COBLL1: variants seen among roughly 807,000 people sequenced by gnomAD.
COBLL1 encodes the protein cordon-bleu WH2 repeat protein like 1, also known as cordon-bleu protein-like 1.
COBLL1 carries 50 observed loss-of-function variants against 94.8 expected under a neutral mutation model. The ratio of observed to expected loss-of-function variants is 0.53; its 90% CI spans 0.42 to 0.67. COBLL1 has a LOEUF of 0.67. COBLL1 is among the 30% of genes least tolerant of loss of function. The pLI, the probability that COBLL1 is intolerant of heterozygous loss-of-function variation, is 0.00. For synonymous variants in COBLL1, 448 were observed against 473.8 expected (o/e 0.95, Z 0.71); for missense variants, 1,362 against 1,348.7 (o/e 1.01, Z -0.15).
intron 2 of COBLL1, among the ~76,000 whole-genome samples, chr2:164,791,818 C>T (rs1328439539): frequency 6.6e-6 from 1 of 151,838 alleles, no homozygotes; most frequent in Non-Finnish European, 1.5e-5. Context: ...AGGTGAGGTT[C>T]TGCTGCTCCA....
chr2:164,837,739 T>G (rs535350495), intron 2 of COBLL1, among the ~76,000 whole-genome samples: 1 of 152,182 alleles, frequency 6.6e-6, no homozygotes, highest in Non-Finnish European at 1.5e-5. Flanking sequence ...TAAAGTTGCA[T>G]GCAATCTTTT....
At chr2:164,776,667 C>T (rs1053691808) in intron 2 of COBLL1, among the ~76,000 whole-genome samples, 1 of 151,990 alleles carries the variant, frequency 6.6e-6, no homozygotes, top group African/African-American at 2.4e-5. Context: ...CCTTCTCAGT[C>T]TTCTCCTGAT....
chr2:164,834,912 G>A (rs1683247471), intron 2 of COBLL1, among the ~76,000 whole-genome samples: 1 of 152,038 alleles, frequency 6.6e-6, no homozygotes, highest in African/African-American at 2.4e-5. Context: ...TACACATTAG[G>A]GAAACAGGAA....
In COBLL1 at chr2:164,695,334, C is replaced by A; in HGVS notation, c.2058G>T (p.Leu686Phe). ...PICAHGNDDLLPPVDRIDKNS... is the reference protein window; with the variant it reads ...PICAHGNDDLFPPVDRIDKNS... ...TTTTGTCAATCCTATCTACAGGAGGCAAAAGATCATCATTACCATGTGCAC... is the reference window on the plus strand; with the variant it reads ...TTTTGTCAATCCTATCTACAGGAGGAAAAAGATCATCATTACCATGTGCAC... Residue 686 changes from leucine (L) to phenylalanine (F), a missense_variant, in exon 12 of 14, where the codon TTG becomes TTT. Coordinates refer to ENST00000652658, the MANE Select transcript of COBLL1 (RefSeq NM_001365672.2). 2 of 1,613,876 alleles carry A rather than the reference C, an allele frequency of 1.2e-6. No individual in the cohort carries two copies. Among genetic ancestry groups the A allele is most frequent in the Non-Finnish European group, 1.7e-6 (2 of 1,179,920 alleles).
intron 7 of COBLL1, among the ~76,000 whole-genome samples, chr2:164,711,743 TTA>T (rs1008369292): frequency 6.6e-6 from 1 of 152,198 alleles, no homozygotes; most frequent in Non-Finnish European, 1.5e-5. Flanking sequence ...TTTGTTCAAA[TTA>T]TGACTACATT....
chr2:164,779,972 T>C (rs1300643744), intron 2 of COBLL1, among the ~76,000 whole-genome samples: 2 of 152,176 alleles, frequency 1.3e-5, no homozygotes, highest in African/African-American at 4.8e-5. Flanking sequence ...AATTTTAAAA[T>C]ATTTTAAAAA....
chr2:164,741,879 T>C (rs1168514041), intron 3 of COBLL1, among the ~76,000 whole-genome samples: 1 of 152,116 alleles, frequency 6.6e-6, no homozygotes, highest in African/African-American at 2.4e-5. Context: ...AGAACAGTCA[T>C]AAATTAGACT....
At chr2:164,767,232 T>G (rs1398185893) in intron 2 of COBLL1, among the ~76,000 whole-genome samples, 1 of 152,208 alleles carries the variant, frequency 6.6e-6, no homozygotes, top group Non-Finnish European at 1.5e-5. Flanking sequence ...TTTTAATTTT[T>G]TTCTCACATA....
chr2:164,697,189 A>C (rs1056754426), intron 11 of COBLL1: 9 of 152,180 alleles, frequency 5.9e-5, no homozygotes, highest in Admixed American at 2.6e-4. Flanking sequence ...GTGGCAGTTA[A>C]TATTCTATAT....
chr2:164,817,838 G>T (rs528403499), intron 2 of COBLL1, among the ~76,000 whole-genome samples: 3 of 151,982 alleles, frequency 2.0e-5, no homozygotes, highest in Non-Finnish European at 4.4e-5. Context: ...TCATATCACT[G>T]GGCTATTTCT....
chr2:164,688,314 G>A (rs1284716803), intron 13 of COBLL1, among the ~76,000 whole-genome samples: 2 of 152,084 alleles, frequency 1.3e-5, no homozygotes, highest in Non-Finnish European at 2.9e-5. Context: ...CATTCTGAGG[G>A]CAGAGATCTT....
At chr2:164,823,327 G>A (rs1685273210) in intron 2 of COBLL1, among the ~76,000 whole-genome samples, 1 of 152,268 alleles carries the variant, frequency 6.6e-6, no homozygotes, top group African/African-American at 2.4e-5. Context: ...TCAACAAACT[G>A]TTGATTCAAG....
chr2:164,770,450 G>C lies in COBLL1; in HGVS notation c.42-26575C>G, dbSNP rs1688151154. ...CTAAAGACTAATTCATTATAATCAT[G>C]CCTTCACGAGCTGTAAAACTATATT... On this transcript the variant is annotated intron_variant, in intron 2 of 13. Transcript: ENST00000652658. 5.9e-5 allele frequency among the ~76,000 whole-genome samples: 9 copies of C among 152,056 alleles called. 1 individual carries two copies. The highest frequency in any genetic ancestry group is 5.9e-4 in the Admixed American group (9 of 15,232).
intron 2 of COBLL1, among the ~76,000 whole-genome samples, chr2:164,824,175 A>C (rs1454287843): frequency 1.3e-5 from 2 of 152,194 alleles, no homozygotes; most frequent in Non-Finnish European, 2.9e-5. Context: ...TGAGGTCAGA[A>C]GTTCGAGACC....
At chr2:164,802,092 C>T (rs577179628) in intron 2 of COBLL1, among the ~76,000 whole-genome samples, 6 of 152,254 alleles carry the variant, frequency 3.9e-5, no homozygotes, top group Admixed American at 2.6e-4. Flanking sequence ...TTGTAAAATA[C>T]TTAGCATGTT....
At chr2:164,705,254 C>G in intron 7 of COBLL1, 149 bp from the exon 8 acceptor site, 1 of 499,760 alleles carries the variant, frequency 2.0e-6, no homozygotes, top group Non-Finnish European at 3.3e-6. Context: ...ATCTGCCACA[C>G]ACAGAAGCTG....
In COBLL1 at chr2:164,818,576, A is replaced by ATG. The variant is rs1366687656; in HGVS notation, c.41+22578_41+22579dup. The stretch of plus-strand genomic sequence containing the variant: ...ACATATGTACACATATATAGCATAT[A>ATG]TGTACATATGTACACATATATAGCA... On this transcript the variant is annotated intron_variant, in intron 2 of 13. Coordinates refer to ENST00000652658, the MANE Select transcript of COBLL1 (RefSeq NM_001365672.2). 2.0e-4 allele frequency among the ~76,000 whole-genome samples: 29 copies of ATG among 146,590 alleles called. 1 individual carries two copies. The East Asian group carries it at 4.4e-3, about 22-fold the overall frequency.
intron 3 of COBLL1, among the ~76,000 whole-genome samples, chr2:164,731,101 C>T (rs1216291548): frequency 6.6e-6 from 1 of 152,092 alleles, no homozygotes; most frequent in East Asian, 1.9e-4. Flanking sequence ...TAGTCATGCC[C>T]GTTTGTTTAT....
In COBLL1 at chr2:164,841,788, G is replaced by C. The variant is rs890534147; in HGVS notation, c.-129C>G. ...CCTACTCTTCCCTTCCCCGGCCCGC[G>C]CTCTTGCCGCTCGGCTCTCAAGCCA... On this transcript the variant is annotated 5_prime_UTR_variant, in exon 1 of 14. Transcript: ENST00000652658. This position sits in a 1 kb window ranked among gnomAD's most constrained non-coding sequence, Gnocchi z 5.5. 3.5e-6 allele frequency: 2 copies of C among 564,358 alleles called. No individual in the cohort carries two copies. The highest frequency in any genetic ancestry group is 3.5e-5 in the Admixed American group (1 of 28,538). The allele number at this position is 564,358 out of a possible 1,614,324, so 35.0% of individuals were successfully genotyped here.
Sources: gnomAD v4.1 joint callset for allele counts (sites outside exome capture counted in the v4.1 genomes callset) on GRCh38, gnomAD v4.1.1 for gene constraint, Gnocchi (gnomAD v3.1) non-coding constraint, MANE v1.5 for transcripts, NCBI Gene and HGNC (gene_info 2026-07-23, HGNC 2026-07-21) for gene names.